AFF2: variants seen among roughly 807,000 people sequenced by gnomAD.
The protein encoded by AFF2 is ALF transcription elongation factor 2.
Under a neutral mutation model 76.9 loss-of-function variants are expected in AFF2, and 14 were observed. That is an observed-to-expected ratio of 0.18 (90% CI 0.12 to 0.28). The LOEUF (loss-of-function observed/expected upper bound fraction) is 0.28. Ranked by LOEUF, AFF2 falls within the 10% of genes least tolerant of loss-of-function variation. AFF2 has a pLI of 1.00. For missense variants in AFF2, 868 were observed against 1,001.1 expected (o/e 0.87, Z 1.79); for synonymous variants, 398 against 366.7 (o/e 1.09, Z -0.98).
In AFF2 at chrX:148,599,247, CTTATA is replaced by C. The variant is rs200133622; in HGVS notation, c.48-52747_48-52743del. On this transcript the variant is annotated intron_variant, in intron 1 of 20. Coordinates refer to ENST00000370460, the MANE Select transcript of AFF2 (RefSeq NM_002025.4). ...TATATATAAAAGCATCCTTCAATTTCTTATATTATGTTTTTAAAGTAAGTCAGTTA... is the reference window on the plus strand; with the variant it reads ...TATATATAAAAGCATCCTTCAATTTCTTATGTTTTTAAAGTAAGTCAGTTA... Among the ~76,000 whole-genome samples the C allele has an allele frequency of 7.3e-4, 82 of 112,345 alleles. No homozygotes were observed. In the East Asian group the frequency reaches 0.022, roughly 30 times the overall value.
chrX:148,868,767 G>A (rs2070937485), intron 7 of AFF2, among the ~76,000 whole-genome samples: 1 of 112,460 alleles, frequency 8.9e-6, no homozygotes. Flanking sequence ...CGTGTTATCT[G>A]CTTCCAAGAT....
chrX:148,738,348 G>A (rs1182836401), intron 3 of AFF2, among the ~76,000 whole-genome samples: 3 of 110,943 alleles, frequency 2.7e-5, no homozygotes, highest in Admixed American at 1.9e-4. Context: ...TAAGCTAGGA[G>A]GGTTGTATTG....
intron 9 of AFF2, among the ~76,000 whole-genome samples, chrX:148,936,767 A>C (rs2071780091): frequency 8.9e-6 from 1 of 112,404 alleles, no homozygotes; most frequent in African/African-American, 3.2e-5. Flanking sequence ...GTTGGAGTTG[A>C]GGGTAGGAGT....
chrX:148,951,211 A>G (rs1411897224), intron 9 of AFF2, among the ~76,000 whole-genome samples: 1 of 110,760 alleles, frequency 9.0e-6, no homozygotes, highest in Non-Finnish European at 1.9e-5. Context: ...CAATTTTTCT[A>G]CTAAATCCAT....
At chrX:148,565,272 ACT>A (rs2053156382) in intron 1 of AFF2, among the ~76,000 whole-genome samples, 1 of 110,561 alleles carries the variant, frequency 9.0e-6, no homozygotes, top group Non-Finnish European at 1.9e-5. Flanking sequence ...TATGATAAGA[ACT>A]CTGTTTCCCC....
chrX:148,780,386 A>G (rs2069727060), intron 3 of AFF2, among the ~76,000 whole-genome samples: 1 of 112,073 alleles, frequency 8.9e-6, no homozygotes, highest in Non-Finnish European at 1.9e-5. Context: ...AGGTACATCA[A>G]TCAAACGTCC....
At chrX:148,845,594 A>G (rs1356152525) in intron 7 of AFF2, among the ~76,000 whole-genome samples, 1 of 112,466 alleles carries the variant, frequency 8.9e-6, no homozygotes, top group African/African-American at 3.2e-5. Context: ...GACAGATCAG[A>G]ATTGTAATAA....
chrX:148,898,164 A>G (rs2071315466), intron 8 of AFF2, among the ~76,000 whole-genome samples: 2 of 112,100 alleles, frequency 1.8e-5, no homozygotes, highest in Admixed American at 1.9e-4. Flanking sequence ...TTATCACGTC[A>G]TCTTTGGGCT....
At chrX:148,982,022 A>G (rs1557290939) in intron 19 of AFF2, among the ~76,000 whole-genome samples, 1 of 112,480 alleles carries the variant, frequency 8.9e-6, no homozygotes, top group African/African-American at 3.2e-5. Flanking sequence ...AAATAAGTTC[A>G]GAAAATAAAA....
At chrX:148,932,261 C>T (rs1351744128) in intron 9 of AFF2, among the ~76,000 whole-genome samples, 3 of 112,360 alleles carry the variant, frequency 2.7e-5, no homozygotes, top group African/African-American at 6.5e-5. Context: ...GAGAATTTCT[C>T]AGATTGGAAA....
At chrX:148,798,237 C>A (rs998750496) in intron 3 of AFF2, among the ~76,000 whole-genome samples, 4 of 110,874 alleles carry the variant, frequency 3.6e-5, no homozygotes, top group Non-Finnish European at 5.7e-5. Context: ...TATCAGGAAC[C>A]CACTCCCATG....
At chrX:148,924,184 T>G (rs782769352) in intron 9 of AFF2, among the ~76,000 whole-genome samples, 240 of 112,322 alleles carry the variant, frequency 2.1e-3, no homozygotes, top group African/African-American at 7.3e-3. Context: ...GAATAGCAAC[T>G]ATAGGAAATC....
At chrX:148,685,101 C>A (rs2054588805) in intron 3 of AFF2, among the ~76,000 whole-genome samples, 1 of 111,729 alleles carries the variant, frequency 9.0e-6, no homozygotes, top group African/African-American at 3.2e-5. Context: ...CAATTAAGTG[C>A]AAATTAAGCA....
In AFF2 at chrX:148,614,717, C is replaced by CTTTCTTTCT. The variant is rs1557249977; in HGVS notation, c.48-37279_48-37271dup. On this transcript the variant is annotated intron_variant, in intron 1 of 20. Coordinates refer to ENST00000370460, the MANE Select transcript of AFF2 (RefSeq NM_002025.4). ...CTTTTCTTTCTTTCTTTCTTTCTTT[C>CTTTCTTTCT]TTTCTTTCTTTCTTTCCTTCTTTTC... 3.6e-3 allele frequency among the ~76,000 whole-genome samples: 170 copies of CTTTCTTTCT among 47,672 alleles called. 2 individuals are homozygous for CTTTCTTTCT. Among genetic ancestry groups the CTTTCTTTCT allele is most frequent in the South Asian group, 0.016 (16 of 1,011 alleles). The allele number at this position is 47,672 out of a possible 115,157, so 41.4% of individuals were successfully genotyped here.
chrX:148,762,420 T>TATATATATATATATATATATAC lies in AFF2; in HGVS notation c.1042-47455_1042-47454insTATATATATATATATATATACA, dbSNP rs1225408056. Among the ~76,000 whole-genome samples the TATATATATATATATATATATAC allele has an allele frequency of 2.8e-3, 287 of 101,112 alleles. 10 individuals are homozygous for TATATATATATATATATATATAC. Among genetic ancestry groups the TATATATATATATATATATATAC allele is most frequent in the African/African-American group, 0.012 (277 of 22,369 alleles). The allele number at this position is 101,112 out of a possible 115,157, so 87.8% of individuals were successfully genotyped here. ...AGTAGTATTCTATGGTATATATATATACACATGCACACATATATATGCTTA... is the reference window on the plus strand; with the variant it reads ...AGTAGTATTCTATGGTATATATATATATATATATATATATATATATACACACATGCACACATATATATGCTTA... On this transcript the variant is annotated intron_variant, in intron 3 of 20. Coordinates refer to ENST00000370460, the MANE Select transcript of AFF2 (RefSeq NM_002025.4).
rs782250973 is a variant in AFF2, at chrX:148,904,199, G to A, written c.1360-22G>A. On this transcript the variant is annotated intron_variant, in intron 8 of 20. Coordinates refer to ENST00000370460, the MANE Select transcript of AFF2 (RefSeq NM_002025.4). ...TTATGCCTGCTAATATTGTCTAATT[G>A]CATTTTTTCTTCTGTTTACAGGCTG... 13 of 1,048,773 alleles carry A rather than the reference G, an allele frequency of 1.2e-5. No individual in the cohort carries two copies. The Admixed American group carries it at 2.7e-4, about 22-fold the overall frequency. The allele number at this position is 1,048,773 out of a possible 1,213,427, so 86.4% of individuals were successfully genotyped here.
intron 3 of AFF2, among the ~76,000 whole-genome samples, chrX:148,758,639 G>T (rs782204943): frequency 9.0e-6 from 1 of 111,704 alleles, no homozygotes; most frequent in African/African-American, 3.3e-5. Flanking sequence ...TTTAAAACTT[G>T]AAGGAAGACC....
chrX:148,604,166 G>A (rs1188593464), intron 1 of AFF2, among the ~76,000 whole-genome samples: 1 of 111,310 alleles, frequency 9.0e-6, no homozygotes, highest in Admixed American at 9.5e-5. Context: ...TTGTTTCTTG[G>A]AAGATGGGTT....
At position 148,956,093 on chromosome X, in the gene AFF2, A is replaced by G. The variant is rs2072033988; in HGVS notation, c.2048A>G (p.Glu683Gly). The G allele has an allele frequency of 8.3e-7, 1 of 1,208,532 alleles. No individual in the cohort carries two copies. Among genetic ancestry groups the G allele is most frequent in the East Asian group, 3.0e-5 (1 of 33,739 alleles). ...ATAHKPAPRK[E>G]PRPNIPLAPE... ...GCCCACAAACCAGCCCCTAGGAAAGAACCAAGACCTAACATCCCTTTGGCT... is the reference window on the plus strand; with the variant it reads ...GCCCACAAACCAGCCCCTAGGAAAGGACCAAGACCTAACATCCCTTTGGCT... The change falls in exon 11 of 21, where the codon GAA (glutamate) becomes GGA (glycine). Residue 683 changes from glutamate (E) to glycine (G), a missense_variant. This residue lies in a region of AFF2 where 532 missense variants were observed against 564.2 expected (regional missense o/e 0.94). Transcript: ENST00000370460.
Sources: gnomAD v4.1 joint callset for allele counts (sites outside exome capture counted in the v4.1 genomes callset) on GRCh38, gnomAD v4.1.1 for gene constraint, gnomAD v4.1.1 regional missense constraint, MANE v1.5 for transcripts, NCBI Gene and HGNC (gene_info 2026-07-23, HGNC 2026-07-21) for gene names.